DCUN1D1: variants seen among roughly 807,000 people sequenced by gnomAD.
DCUN1D1 encodes the protein DCN1-like protein 1.
Under a neutral mutation model 39.0 loss-of-function variants are expected in DCUN1D1, and 3 were observed. That is an observed-to-expected ratio of 0.08 (90% CI 0.04 to 0.20). DCUN1D1 has a LOEUF of 0.20. Ranked by LOEUF, DCUN1D1 falls within the 10% of genes least tolerant of loss-of-function variation. The pLI, the probability that DCUN1D1 is intolerant of heterozygous loss-of-function variation, is 1.00. For missense variants in DCUN1D1, 158 were observed against 302.4 expected, an observed-to-expected ratio of 0.52 and a Z score of 3.54; for synonymous variants, 82 against 96.3, an observed-to-expected ratio of 0.85 and a Z score of 0.87.
At chr3:182,955,734 C>T (rs1276003013) in intron 4 of DCUN1D1, 1 of 311,316 alleles carries the variant, frequency 3.2e-6, no homozygotes, top group Non-Finnish European at 6.4e-6. Context: ...GCACCCACCA[C>T]CACACCTGGC....
At chr3:182,970,300 C>T (rs1727867431) in intron 1 of DCUN1D1, among the ~76,000 whole-genome samples, 1 of 152,064 alleles carries the variant, frequency 6.6e-6, no homozygotes, top group South Asian at 2.1e-4. Flanking sequence ...TTAAGAATCA[C>T]ATTTTAAATA....
At position 182,965,661 on chromosome 3, in the gene DCUN1D1, T is replaced by C. The variant is rs1727632733; in HGVS notation, c.96A>G (p.Gln32=). The part of the protein sequence containing the change: ...SEKTAVSCLS[Q]NDWKLDVATD... ...TTGCAACATCTAACTTCCAGTCATTTTGAGAAAGACAACTTACTGCTGTTT... is the reference window on the plus strand; with the variant it reads ...TTGCAACATCTAACTTCCAGTCATTCTGAGAAAGACAACTTACTGCTGTTT... Residue 32 remains glutamine (Q), a synonymous_variant, in exon 2 of 7, where the codon CAA becomes CAG. Transcript: ENST00000292782. 1.2e-6 allele frequency: 2 copies of C among 1,613,788 alleles called. No individual in the cohort carries two copies. The highest frequency in any genetic ancestry group is 1.1e-5 in the South Asian group (1 of 91,072).
chr3:182,955,285 C>G (rs1726979355), intron 4 of DCUN1D1: 6 of 542,220 alleles, frequency 1.1e-5, no homozygotes, highest in South Asian at 8.5e-5. Context: ...ATATCAAAAT[C>G]CAAATCATCA....
chr3:182,950,217 G>A (rs1010412306), intron 4 of DCUN1D1, among the ~76,000 whole-genome samples: 5 of 151,662 alleles, frequency 3.3e-5, no homozygotes, highest in East Asian at 1.9e-4. Context: ...GTGCAATCTC[G>A]GTTCACTGCA....
chr3:182,945,998 T>C (rs1726379234), intron 6 of DCUN1D1, among the ~76,000 whole-genome samples: 1 of 152,112 alleles, frequency 6.6e-6, no homozygotes, highest in African/African-American at 2.4e-5. Context: ...TCCAGGACAC[T>C]TTTAAATGAT....
intron 1 of DCUN1D1, among the ~76,000 whole-genome samples, chr3:182,978,040 C>CAAA (rs71185618): frequency 2.9e-5 from 4 of 136,640 alleles, no homozygotes; most frequent in Non-Finnish European, 4.6e-5. Context: ...AACTCCATCT[C>CAAA]AAAAAAAAAA....
intron 4 of DCUN1D1, among the ~76,000 whole-genome samples, chr3:182,952,500 C>T (rs560524862): frequency 6.6e-6 from 1 of 152,274 alleles, no homozygotes; most frequent in East Asian, 1.9e-4. Flanking sequence ...TTGGTATCCA[C>T]GAACAACTTC....
rs138530294 is a variant in DCUN1D1, at chr3:182,976,830, G to A, written c.3+3657C>T. Among the ~76,000 whole-genome samples, 29 of 152,238 alleles carry A rather than the reference G, an allele frequency of 1.9e-4. No individual in the cohort carries two copies. The East Asian group carries it at 4.1e-3, about 21-fold the overall frequency. ...ACACTATCTCTAGCACACAGCAGACGTATAATAATCACTGAAAAGAACTGA... is the reference window on the plus strand; with the variant it reads ...ACACTATCTCTAGCACACAGCAGACATATAATAATCACTGAAAAGAACTGA... On this transcript the variant is annotated intron_variant, in intron 1 of 6. Transcript: ENST00000292782.
chr3:182,961,862 G>A (rs1727415279), intron 3 of DCUN1D1, among the ~76,000 whole-genome samples: 1 of 152,158 alleles, frequency 6.6e-6, no homozygotes, highest in Non-Finnish European at 1.5e-5. Context: ...ACCTCCAACT[G>A]AATCATCTCA....
chr3:182,952,225 A>G (rs1726791627), intron 4 of DCUN1D1, among the ~76,000 whole-genome samples: 1 of 152,172 alleles, frequency 6.6e-6, no homozygotes. Context: ...AGCTTCAATG[A>G]TAAGCACTCT....
intron 1 of DCUN1D1, 63 bp downstream of exon 1, chr3:182,980,424 C>T (rs905931385): frequency 2.9e-6 from 3 of 1,021,670 alleles, no homozygotes; most frequent in African/African-American, 3.5e-5. Flanking sequence ...GCGGCCGGGG[C>T]GGGGGTGCGC....
At chr3:182,961,078 T>TA (rs1168160181) in intron 4 of DCUN1D1, 148 bp downstream of exon 4, 1 of 597,806 alleles carries the variant, frequency 1.7e-6, no homozygotes, top group Admixed American at 3.5e-5. Context: ...ATTTTCTGAT[T>TA]AAAAATTTCC....
chr3:182,982,578 C>T (rs1449907540), upstream of DCUN1D1, among the ~76,000 whole-genome samples: 1 of 152,176 alleles, frequency 6.6e-6, no homozygotes, highest in Non-Finnish European at 1.5e-5. Flanking sequence ...CCAGTTTTCC[C>T]TCCTAAATGA....
At chr3:182,968,084 GTT>G (rs1293191463) in intron 1 of DCUN1D1, among the ~76,000 whole-genome samples, 1 of 151,956 alleles carries the variant, frequency 6.6e-6, no homozygotes, top group Non-Finnish European at 1.5e-5. Flanking sequence ...AGGTTTTTTT[GTT>G]TTTTTAGAGA....
chr3:182,956,225 T>C (rs1727056096), intron 4 of DCUN1D1: 2 of 276,964 alleles, frequency 7.2e-6, no homozygotes, highest in Non-Finnish European at 1.5e-5. Flanking sequence ...CCATGCCCAG[T>C]TGAACTTGTC....
At chr3:182,979,690 C>T (rs1323914217) in intron 1 of DCUN1D1, among the ~76,000 whole-genome samples, 1 of 148,530 alleles carries the variant, frequency 6.7e-6, no homozygotes, top group East Asian at 2.0e-4. Context: ...AAAGCAATTA[C>T]TCCTCCCACC....
intron 4 of DCUN1D1, among the ~76,000 whole-genome samples, chr3:182,947,998 G>GT (rs1400794663): frequency 6.6e-6 from 1 of 152,182 alleles, no homozygotes; most frequent in Non-Finnish European, 1.5e-5. Context: ...ATAATTATTT[G>GT]TTGTAGGGTG....
chr3:182,965,516 A>G, intron 2 of DCUN1D1, 21 bp downstream of exon 2: 1 of 1,547,600 alleles, frequency 6.5e-7, no homozygotes, highest in Non-Finnish European at 8.8e-7. Context: ...AATTTACTTA[A>G]AGTCACAAGC....
intron 1 of DCUN1D1, among the ~76,000 whole-genome samples, chr3:182,966,865 G>A (rs1560176221): frequency 6.6e-6 from 1 of 152,208 alleles, no homozygotes; most frequent in East Asian, 1.9e-4. Flanking sequence ...CCAGCACCTT[G>A]GGAGGCCCAG....
Sources: gnomAD v4.1 joint callset for allele counts (sites outside exome capture counted in the v4.1 genomes callset) on GRCh38, gnomAD v4.1.1 for gene constraint, MANE v1.5 for transcripts, NCBI Gene and HGNC (gene_info 2026-07-23, HGNC 2026-07-21) for gene names.